Variants in PPP3CA observed in about 807,000 individuals in gnomAD.
The protein encoded by PPP3CA is protein phosphatase 3 catalytic subunit alpha, also known as CAM-PRP catalytic subunit.
A neutral mutation model predicts 66.5 loss-of-function variants in PPP3CA; 14 were observed. The ratio of observed to expected loss-of-function variants is 0.21; its 90% CI spans 0.14 to 0.33. PPP3CA has a LOEUF of 0.33. Among genes scored for constraint, PPP3CA ranks in the 10% least tolerant of loss-of-function variants. PPP3CA has a pLI of 1.00. For missense variants in PPP3CA, 317 were observed against 639.5 expected (o/e 0.50, Z 5.44); for synonymous variants, 232 against 226.2 (o/e 1.03, Z -0.23).
chr4:101,079,211 C>G (rs897468546), intron 8 of PPP3CA, among the ~76,000 whole-genome samples: 18 of 152,296 alleles, frequency 1.2e-4, no homozygotes, highest in African/African-American at 2.9e-4. Context: ...GACACCAGGC[C>G]TGGGCCAGGA....
chr4:101,032,727 A>G (rs985699355), intron 11 of PPP3CA, among the ~76,000 whole-genome samples: 1 of 152,168 alleles, frequency 6.6e-6, no homozygotes, highest in African/African-American at 2.4e-5. Context: ...TGCTGATGTT[A>G]AGTTTTTCAG....
chr4:101,164,328 T>G (rs1189099024), intron 2 of PPP3CA, among the ~76,000 whole-genome samples: 1 of 152,216 alleles, frequency 6.6e-6, no homozygotes, highest in Non-Finnish European at 1.5e-5. Context: ...GGATTTATTA[T>G]GTTTTGTCTT....
intron 1 of PPP3CA, among the ~76,000 whole-genome samples, chr4:101,198,636 A>G (rs1482500601): frequency 6.6e-6 from 1 of 152,206 alleles, no homozygotes; most frequent in East Asian, 1.9e-4. Context: ...GATAGATCAC[A>G]GAATTAAATC....
Position 101,053,819 on chromosome 4 carries a change from T to G in PPP3CA, c.1156+7268A>C, listed in dbSNP as rs112747290. On this transcript the variant is annotated intron_variant, in intron 10 of 13. Transcript: ENST00000394854. ...CCTGTTGATTCTACGTCATAAGTCC[T>G]CGGAAAGGTCTTTTGAACGGTTCCT... 2.5e-3 allele frequency among the ~76,000 whole-genome samples: 374 copies of G among 152,176 alleles called. 2 individuals carry two copies. Among genetic ancestry groups the G allele is most frequent in the African/African-American group, 8.3e-3 (346 of 41,548 alleles).
chr4:101,039,671 A>C (rs1578395384), intron 11 of PPP3CA, among the ~76,000 whole-genome samples: 2 of 144,272 alleles, frequency 1.4e-5, no homozygotes, highest in Non-Finnish European at 3.1e-5. Flanking sequence ...AGAGGATAGA[A>C]ATAGCAAGAG....
intron 2 of PPP3CA, among the ~76,000 whole-genome samples, chr4:101,123,569 G>A (rs1408154205): frequency 1.3e-5 from 2 of 152,116 alleles, no homozygotes; most frequent in African/African-American, 2.4e-5. Flanking sequence ...AGTGGCTCAC[G>A]CCTATAATCC....
Position 101,196,069 on chromosome 4 carries a change from C to A in PPP3CA, c.106G>T (p.Asp36Tyr). The A allele has an allele frequency of 6.2e-7, 1 of 1,613,982 alleles. No individual in the cohort carries two copies. The highest frequency in any genetic ancestry group is 1.7e-5 in the Admixed American group (1 of 59,992). The change falls in exon 2 of 14, where the codon GAT (aspartate) becomes TAT (tyrosine). Residue 36 changes from aspartate (D) to tyrosine (Y), a missense_variant. By Grantham distance (160) the Asp-to-Tyr change is radical (BLOSUM62 -3). Transcript: ENST00000394854. ...TCCACACGAGGTTTTCCATCATTATCAAACACTTCTTTTGCTGTAAGCCGG... is the reference window on the plus strand; with the variant it reads ...TCCACACGAGGTTTTCCATCATTATAAAACACTTCTTTTGCTGTAAGCCGG... ...SHRLTAKEVF[D>Y]NDGKPRVDIL...
intron 2 of PPP3CA, among the ~76,000 whole-genome samples, chr4:101,161,683 C>T (rs139026421): frequency 6.6e-6 from 1 of 152,100 alleles, no homozygotes; most frequent in South Asian, 2.1e-4. Context: ...CTTTACAATA[C>T]TTGGTAAACA....
At chr4:101,099,552 G>A in intron 4 of PPP3CA, 59 bp downstream of exon 4, 1 of 956,248 alleles carries the variant, frequency 1.0e-6, no homozygotes, top group Non-Finnish European at 1.6e-6. Context: ...TCTTATTATT[G>A]ATTAAAATTA....
At chr4:101,146,119 C>T (rs543796338) in intron 2 of PPP3CA, among the ~76,000 whole-genome samples, 2 of 152,290 alleles carry the variant, frequency 1.3e-5, no homozygotes, top group African/African-American at 4.8e-5. Context: ...TTGGAATATT[C>T]TCACCTATGC....
intron 1 of PPP3CA, among the ~76,000 whole-genome samples, chr4:101,343,153 T>C (rs1281534820): frequency 6.6e-6 from 1 of 152,190 alleles, no homozygotes; most frequent in Non-Finnish European, 1.5e-5. Flanking sequence ...GTTTCTAAAA[T>C]TTCTACCATT....
chr4:101,029,366 A>AAAAAAAAAAAAAAAAAAAC (rs1726828166), intron 12 of PPP3CA, among the ~76,000 whole-genome samples, 171 bp from the exon 13 acceptor site: 1 of 104,466 alleles, frequency 9.6e-6, no homozygotes, highest in East Asian at 2.0e-4. Context: ...AAAAAAAAAA[A>AAAAAAAAAAAAAAAAAAAC]AAAAAAGAAA....
chr4:101,082,610 A>G (rs76798779), intron 7 of PPP3CA, among the ~76,000 whole-genome samples: 7,953 of 152,238 alleles, frequency 0.052, 746 homozygotes, highest in African/African-American at 0.18. Context: ...ATTGTTCTAC[A>G]TCTTAGAAAC....
chr4:101,160,964 A>T (rs1190457281), intron 2 of PPP3CA, among the ~76,000 whole-genome samples: 3 of 152,128 alleles, frequency 2.0e-5, no homozygotes, highest in African/African-American at 7.2e-5. Context: ...AAAGAAATAC[A>T]GTCACGTACT....
chr4:101,280,440 A>C (rs1340218408), intron 1 of PPP3CA, among the ~76,000 whole-genome samples: 1 of 152,208 alleles, frequency 6.6e-6, no homozygotes, highest in Non-Finnish European at 1.5e-5. Flanking sequence ...GGACAAGTTA[A>C]TTTAGACAGG....
intron 10 of PPP3CA, 71 bp from the exon 11 acceptor site, chr4:101,040,637 C>T (rs1578396304): frequency 1.6e-6 from 2 of 1,226,820 alleles, no homozygotes; most frequent in Non-Finnish European, 2.3e-6. Flanking sequence ...CACATTTACA[C>T]ATACAACAGA....
chr4:101,292,236 T>A (rs1403211945), intron 1 of PPP3CA, among the ~76,000 whole-genome samples: 1 of 152,190 alleles, frequency 6.6e-6, no homozygotes, highest in Non-Finnish European at 1.5e-5. Context: ...TCTAGCATAT[T>A]ATACATAGTA....
intron 2 of PPP3CA, among the ~76,000 whole-genome samples, chr4:101,115,354 A>C (rs1721807325): frequency 6.6e-6 from 1 of 151,978 alleles, no homozygotes; most frequent in African/African-American, 2.4e-5. Context: ...ACCAGAACCA[A>C]GCATTTGCCT....
intron 1 of PPP3CA, chr4:101,330,268 T>C (rs767985054): frequency 1.0e-4 from 44 of 429,266 alleles, no homozygotes; most frequent in African/African-American, 2.1e-5. Flanking sequence ...ATCCTGAAGA[T>C]AGGACTGACT....
Sources: gnomAD v4.1 joint callset for allele counts (sites outside exome capture counted in the v4.1 genomes callset) on GRCh38, gnomAD v4.1.1 for gene constraint, MANE v1.5 for transcripts, NCBI Gene and HGNC (gene_info 2026-07-23, HGNC 2026-07-21) for gene names.